FNBP4: variants seen among roughly 807,000 people sequenced by gnomAD.
The protein encoded by FNBP4 is formin-binding protein 4.
In FNBP4, 34 loss-of-function variants were observed where a neutral mutation model predicts 119.3. The observed-to-expected ratio is 0.28, with a 90% confidence interval of 0.22 to 0.38. The LOEUF (loss-of-function observed/expected upper bound fraction) is 0.38. Among genes scored for constraint, FNBP4 ranks in the 10% least tolerant of loss-of-function variants. The pLI is 1.00. For missense variants in FNBP4, 1,112 were observed against 1,228.9 expected (o/e 0.90, Z 1.42); for synonymous variants, 462 against 430.6 (o/e 1.07, Z -0.90).
chr11:47,718,283 G>A (rs2097551804), intron 16 of FNBP4, among the ~76,000 whole-genome samples: 1 of 151,564 alleles, frequency 6.6e-6, no homozygotes, highest in Admixed American at 6.6e-5. Flanking sequence ...GCACAATCTC[G>A]GCTCACTGCA....
chr11:47,749,511 G>A (rs894711750), intron 6 of FNBP4, among the ~76,000 whole-genome samples: 15 of 152,042 alleles, frequency 9.9e-5, no homozygotes, highest in Admixed American at 6.6e-4. Flanking sequence ...AGCTGAAATC[G>A]CGCCACTCCC....
chr11:47,759,800 A>G lies in FNBP4; in HGVS notation c.314-5136T>C, dbSNP rs946862656. Among the ~76,000 whole-genome samples the G allele has an allele frequency of 2.6e-5, 4 of 152,076 alleles. No homozygotes were observed. The South Asian group carries it at 8.3e-4, about 31-fold the overall frequency. On this transcript the variant is annotated intron_variant, in intron 2 of 16. Coordinates refer to ENST00000263773, the MANE Select transcript of FNBP4 (RefSeq NM_015308.5). The stretch of plus-strand genomic sequence containing the variant: ...AACTCATCTCTACTAAAAATTCAAG[A>G]AAAGGAGCTGGGCGTGGTGGCAGGC...
intron 4 of FNBP4, 151 bp downstream of exon 4, chr11:47,752,765 G>T: frequency 1.5e-6 from 1 of 655,050 alleles, no homozygotes; most frequent in East Asian, 2.8e-5. Flanking sequence ...AGCGAGCCAA[G>T]ATCGCGCCAG....
At chr11:47,727,251 C>CTTTTTTT (rs56258205) in intron 12 of FNBP4, among the ~76,000 whole-genome samples, 1 of 137,942 alleles carries the variant, frequency 7.2e-6, no homozygotes, top group African/African-American at 2.6e-5. Context: ...TACTTTTCTT[C>CTTTTTTT]TTTTTTTTTT....
rs1434049111 is a variant in FNBP4 at position 47,765,642 on chromosome 11, T to C, written c.221-280A>G. Among the ~76,000 whole-genome samples, 3 of 12,014 alleles carry C rather than the reference T, an allele frequency of 2.5e-4. No homozygotes were observed. In the Non-Finnish European group the frequency reaches 5.6e-3, roughly 22 times the overall value. 7.9% of individuals were successfully genotyped at this position (12,014 alleles called of 152,430 possible). A position where few individuals can be genotyped will look rare whatever the true frequency, so the allele number is the denominator to read the frequency against. On this transcript the variant is annotated intron_variant, in intron 1 of 16. Transcript: ENST00000263773. ...CACCATGGTGAAACTCCATCTCTAC[T>C]AAAAATACAAAAAATAAAAAAATTG...
intron 2 of FNBP4, among the ~76,000 whole-genome samples, chr11:47,756,610 T>G (rs2135257346): frequency 6.6e-6 from 1 of 152,252 alleles, no homozygotes; most frequent in East Asian, 1.9e-4. Context: ...GTTTATTACA[T>G]ATGTATACAT....
chr11:47,750,044 T>C (rs934942787), intron 6 of FNBP4, among the ~76,000 whole-genome samples: 3 of 151,998 alleles, frequency 2.0e-5, no homozygotes, highest in Non-Finnish European at 4.4e-5. Context: ...TCCTTTGCAA[T>C]GATCCAAGAG....
At position 47,723,036 on chromosome 11, in the gene FNBP4, TGGAGGAGGA is replaced by T. The variant is rs759110657; in HGVS notation, c.2736_2744del (p.Pro916_Pro918del). 11 of 1,566,670 alleles carry T rather than the reference TGGAGGAGGA, an allele frequency of 7.0e-6. No homozygotes were observed. Among genetic ancestry groups the T allele is most frequent in the South Asian group, 2.3e-5 (2 of 85,758 alleles). Reference sequence around the variant, plus strand: ...GTGGCATTTTGGGAGCTGGTGGTGGTGGAGGAGGAGGAGGAGGAGGTGGTGGTGGTGGTT... The same window carrying T: ...GTGGCATTTTGGGAGCTGGTGGTGGTGGAGGAGGAGGTGGTGGTGGTGGTT... On this transcript the variant is annotated inframe_deletion, in exon 15 of 17. Transcript: ENST00000263773.
At chr11:47,722,390 T>C (rs1248600230) in intron 15 of FNBP4, among the ~76,000 whole-genome samples, 1 of 151,490 alleles carries the variant, frequency 6.6e-6, no homozygotes. Context: ...CTTATCCCTA[T>C]GCTTTTTAAG....
In FNBP4 at chr11:47,746,181, T is replaced by C. The variant is rs2097589826; in HGVS notation, c.1120A>G (p.Ile374Val). 6.2e-7 allele frequency: 1 copy of C among 1,614,230 alleles called. No individual in the cohort carries two copies. The highest frequency in any genetic ancestry group is 8.5e-7 in the Non-Finnish European group (1 of 1,180,036). The change falls in exon 7 of 17, where the codon ATT (isoleucine) becomes GTT (valine). Residue 374 changes from isoleucine (I) to valine (V), a missense_variant. This residue lies in a region of FNBP4 where 826 missense variants were observed against 988.8 expected (regional missense o/e 0.84). Coordinates refer to ENST00000263773, the MANE Select transcript of FNBP4 (RefSeq NM_015308.5). ...GGGTCTTCTATATTGTCCAACATAA[T>C]TTCCTGTGGCTTTACTATTGTTGTT... is the stretch of plus-strand genomic sequence containing the variant. Reference protein sequence around the residue: ...EATTIVKPQEIMLDNIEDPSQ... With the variant: ...EATTIVKPQEVMLDNIEDPSQ...
chr11:47,733,934 A>C (rs1167228775), intron 10 of FNBP4, 91 bp downstream of exon 10: 3 of 589,258 alleles, frequency 5.1e-6, no homozygotes, highest in Non-Finnish European at 8.2e-6. Flanking sequence ...ATTTAGGCTT[A>C]AAATGTAAGC....
chr11:47,761,342 C>T (rs1453154477), intron 2 of FNBP4, among the ~76,000 whole-genome samples: 1 of 152,162 alleles, frequency 6.6e-6, no homozygotes, highest in Non-Finnish European at 1.5e-5. Context: ...CCGCTCTAAT[C>T]CCAGCACTTT....
intron 7 of FNBP4, among the ~76,000 whole-genome samples, chr11:47,744,907 G>T (rs1357187966): frequency 1.3e-5 from 2 of 152,172 alleles, no homozygotes; most frequent in East Asian, 3.8e-4. Flanking sequence ...ACTACCTGTT[G>T]TGGGAAGTCA....
intron 16 of FNBP4, among the ~76,000 whole-genome samples, chr11:47,717,847 C>G (rs893713296): frequency 2.6e-4 from 39 of 152,084 alleles, no homozygotes; most frequent in Non-Finnish European, 4.3e-4. Flanking sequence ...CTCCCAGGTT[C>G]AAGCGATTCT....
Position 47,744,100 on chromosome 11 carries a change from T to C in FNBP4, c.1309A>G (p.Ile437Val), listed in dbSNP as rs1164041175. ...CCATCTTGAGATGCTGGCTGGCTGA[T>C]ATCAGAACGTGGACTAGACCCTGAC... ...SVSGSSPRSD[I>V]SQPASQDGMR... Residue 437 changes from isoleucine (I) to valine (V), a missense_variant, in exon 8 of 17, where the codon ATC becomes GTC. Ile to Val is a conservative substitution (Grantham distance 29). Coordinates refer to ENST00000263773, the MANE Select transcript of FNBP4 (RefSeq NM_015308.5). 1.2e-6 allele frequency: 2 copies of C among 1,614,156 alleles called. No individual in the cohort carries two copies. The highest frequency in any genetic ancestry group is 1.7e-6 in the Non-Finnish European group (2 of 1,180,026).
chr11:47,738,462 G>C (rs560213460), intron 8 of FNBP4, among the ~76,000 whole-genome samples: 105 of 152,048 alleles, frequency 6.9e-4, no homozygotes, highest in Non-Finnish European at 1.2e-3. Flanking sequence ...CTACTCAGGG[G>C]GCCGAGGCAG....
intron 1 of FNBP4, among the ~76,000 whole-genome samples, 167 bp downstream of exon 1, chr11:47,766,902 G>C (rs1417027616): frequency 6.6e-6 from 1 of 152,102 alleles, no homozygotes; most frequent in African/African-American, 2.4e-5. Context: ...AACTCGGCCT[G>C]GCCCTTCTGC....
intron 2 of FNBP4, among the ~76,000 whole-genome samples, chr11:47,758,394 G>C (rs1668758881): frequency 6.6e-6 from 1 of 152,096 alleles, no homozygotes. Flanking sequence ...GCACACAAAA[G>C]GTTTCAATCT....
Position 47,733,980 on chromosome 11 carries a change from A to AAGC in FNBP4, c.1686+44_1686+45insGCT, listed in dbSNP as rs766646536. On this transcript the variant is annotated intron_variant, in intron 10 of 16. Transcript: ENST00000263773. ...CGTTAACACATACAGCATTTCATTC[A>AAGC]AACACTTAACTGTTTATGCCAAAAA... The AAGC allele has an allele frequency of 3.0e-6, 3 of 1,007,480 alleles. No individual in the cohort carries two copies. In the East Asian group the frequency reaches 7.7e-5, roughly 26 times the overall value. 62.4% of individuals were successfully genotyped at this position (1,007,480 alleles called of 1,614,324 possible).
Sources: allele counts gnomAD v4.1 joint callset (sites outside exome capture counted in the v4.1 genomes callset), GRCh38; gene constraint gnomAD v4.1.1; regional missense constraint gnomAD v4.1.1; transcripts MANE v1.5; gene names NCBI Gene and HGNC (gene_info 2026-07-23, HGNC 2026-07-21).